The following LYSMD2 variants were observed in gnomAD, a reference collection of about 807,000 sequenced individuals.
LYSMD2 encodes lysM and putative peptidoglycan-binding domain-containing protein 2.
In LYSMD2, 6 loss-of-function variants were observed where a neutral mutation model predicts 17.7. The ratio of observed to expected loss-of-function variants is 0.34; its 90% CI spans 0.19 to 0.67. LYSMD2 has a LOEUF of 0.67. LYSMD2 is among the 30% of genes least tolerant of loss of function. The pLI is 0.69. For missense variants in LYSMD2, 237 were observed against 286.7 expected (o/e 0.83, Z 1.25); for synonymous variants, 102 against 129.8 (o/e 0.79, Z 1.45).
chr15:51,735,419 T>C (rs189483631), intron 1 of LYSMD2, among the ~76,000 whole-genome samples: 3 of 152,232 alleles, frequency 2.0e-5, no homozygotes, highest in Non-Finnish European at 4.4e-5. Flanking sequence ...GCTACTGGCA[T>C]CTAGTGGGTA....
upstream of LYSMD2, chr15:51,737,756 C>G: frequency 1.5e-6 from 1 of 661,926 alleles, no homozygotes; most frequent in Non-Finnish European, 2.1e-6. This position sits in a 1 kb window ranked among gnomAD's most constrained non-coding sequence, Gnocchi z 4.2. Context: ...GGACGGGAAG[C>G]CGAGGCGGGG....
At chr15:51,733,949 C>G (rs2055592861) in intron 1 of LYSMD2, among the ~76,000 whole-genome samples, 1 of 152,138 alleles carries the variant, frequency 6.6e-6, no homozygotes, top group South Asian at 2.1e-4. Flanking sequence ...CTTTGGGAGG[C>G]CAAGGTGGGC....
chr15:51,738,818 C>T (rs1393304277), upstream of LYSMD2, among the ~76,000 whole-genome samples: 1 of 152,188 alleles, frequency 6.6e-6, no homozygotes, highest in Non-Finnish European at 1.5e-5. Context: ...AAAACTCCTA[C>T]AATGGCTCTC....
At chr15:51,743,111 T>G (rs1242803352) in intron 1 of LYSMD2, among the ~76,000 whole-genome samples, 1 of 152,238 alleles carries the variant, frequency 6.6e-6, no homozygotes, top group Non-Finnish European at 1.5e-5. Context: ...TGTGTTTTTG[T>G]GTTTTACATT....
At chr15:51,744,237 C>G (rs1418257669) in intron 1 of LYSMD2, among the ~76,000 whole-genome samples, 2 of 152,150 alleles carry the variant, frequency 1.3e-5, no homozygotes, top group African/African-American at 4.8e-5. Flanking sequence ...GGAAAAGCAT[C>G]TAGCTTCTCA....
At chr15:51,732,512 A>G (rs1165451607) in intron 1 of LYSMD2, among the ~76,000 whole-genome samples, 4 of 152,190 alleles carry the variant, frequency 2.6e-5, no homozygotes, top group Non-Finnish European at 1.5e-5. Context: ...GACTCAATAG[A>G]AGTTGGTTAA....
chr15:51,746,290 T>C (rs1476718596), intron 1 of LYSMD2, among the ~76,000 whole-genome samples: 2 of 152,204 alleles, frequency 1.3e-5, no homozygotes, highest in South Asian at 2.1e-4. Flanking sequence ...AAAGTACTAA[T>C]GTGTATTACA....
At chr15:51,730,434 T>C (rs530398895) in intron 1 of LYSMD2, among the ~76,000 whole-genome samples, 37 of 152,334 alleles carry the variant, frequency 2.4e-4, no homozygotes, top group African/African-American at 8.9e-4. Context: ...GAGAATCGCT[T>C]GAGCCTGAGA....
At chr15:51,742,575 T>C (rs2124587), upstream of LYSMD2, among the ~76,000 whole-genome samples, 49,721 of 152,098 alleles carry the variant, frequency 0.33, 8,953 homozygotes, top group Non-Finnish European at 0.4. Context: ...AGCAGATACA[T>C]AGTTTTTAAA....
upstream of LYSMD2, among the ~76,000 whole-genome samples, chr15:51,741,610 T>G (rs1362463886): frequency 3.3e-5 from 5 of 152,224 alleles, no homozygotes; most frequent in Non-Finnish European, 7.3e-5. Flanking sequence ...TTTTTAAGCT[T>G]ACAATTCAGT....
intron 1 of LYSMD2, among the ~76,000 whole-genome samples, chr15:51,730,857 A>G (rs2055571895): frequency 6.6e-6 from 1 of 152,178 alleles, no homozygotes; most frequent in Non-Finnish European, 1.5e-5. Context: ...TCAATATTAA[A>G]TGATTCTCCC....
In LYSMD2 at chr15:51,723,589, G is replaced by C; in HGVS notation, c.*18C>G. The C allele has an allele frequency of 1.3e-6, 2 of 1,598,516 alleles. No homozygotes were observed. Among genetic ancestry groups the C allele is most frequent in the Non-Finnish European group, 1.7e-6 (2 of 1,166,784 alleles). On this transcript the variant is annotated 3_prime_UTR_variant, in exon 3 of 3. Coordinates refer to ENST00000267838, the MANE Select transcript of LYSMD2 (RefSeq NM_153374.3). ...CAAACATATCTTAATTTTGGTTAGA[G>C]TTATGCCCCCAAATCACCTAACTGT... is the stretch of plus-strand genomic sequence containing the variant.
upstream of LYSMD2, chr15:51,738,100 ACAGACCTTC>A: frequency 6.6e-6 from 1 of 151,472 alleles, no homozygotes; most frequent in East Asian, 1.9e-4. Flanking sequence ...GCCAGCTTGC[ACAGACCTTC>A]CAGCTCTGCC....
chr15:51,733,292 GT>G (rs993915481), intron 1 of LYSMD2, among the ~76,000 whole-genome samples: 1 of 146,628 alleles, frequency 6.8e-6, no homozygotes, highest in South Asian at 2.2e-4. Flanking sequence ...CTCCTGCTTG[GT>G]TTTTTTTTCA....
chr15:51,738,721 G>T (rs1416626140), upstream of LYSMD2, among the ~76,000 whole-genome samples: 1 of 152,168 alleles, frequency 6.6e-6, no homozygotes, highest in African/African-American at 2.4e-5. Context: ...GTTTTGGTAT[G>T]TTGCTGTGCT....
intron 1 of LYSMD2, among the ~76,000 whole-genome samples, chr15:51,747,181 C>T (rs2055672431): frequency 6.6e-6 from 1 of 150,526 alleles, no homozygotes; most frequent in African/African-American, 2.5e-5. Context: ...GCCTGGGTAA[C>T]AGAGTAAGAC....
At chr15:51,730,185 C>A (rs559551811) in intron 1 of LYSMD2, among the ~76,000 whole-genome samples, 2 of 152,144 alleles carry the variant, frequency 1.3e-5, no homozygotes, top group African/African-American at 4.8e-5. Flanking sequence ...AGAACAACTG[C>A]CATCAATAAC....
intron 1 of LYSMD2, among the ~76,000 whole-genome samples, chr15:51,728,915 G>A (rs1384055149): frequency 1.3e-5 from 2 of 151,970 alleles, no homozygotes; most frequent in Non-Finnish European, 2.9e-5. Flanking sequence ...AGAATATATA[G>A]GGAAAATCTC....
rs1331305512 is a variant in LYSMD2, at chr15:51,724,970, C to T, written c.425G>A (p.Ser142Asn). The part of the protein sequence containing the change: ...DSPENETADN[S>N]FSQEEEPVVA... Reference sequence around the variant, plus strand: ...CACTGGCTCCTCTTCCTGAGAAAAACTGTTATCAGCAGTTTCATTTTCTGG... The same window carrying T: ...CACTGGCTCCTCTTCCTGAGAAAAATTGTTATCAGCAGTTTCATTTTCTGG... Residue 142 changes from serine (S) to asparagine (N), a missense_variant, in exon 2 of 3, where the codon AGT (serine) becomes AAT (asparagine). Ser to Asn is a conservative substitution (Grantham distance 46). Coordinates refer to ENST00000267838, the MANE Select transcript of LYSMD2 (RefSeq NM_153374.3). The T allele has an allele frequency of 6.2e-7, 1 of 1,614,156 alleles. No individual in the cohort carries two copies. The highest frequency in any genetic ancestry group is 1.1e-5 in the South Asian group (1 of 91,084).
Sources: allele counts gnomAD v4.1 joint callset (sites outside exome capture counted in the v4.1 genomes callset), GRCh38; gene constraint gnomAD v4.1.1; non-coding constraint Gnocchi (gnomAD v3.1); transcripts MANE v1.5; gene names NCBI Gene and HGNC (gene_info 2026-07-23, HGNC 2026-07-21).